The following TRAK1 variants were observed in gnomAD, a reference collection of about 807,000 sequenced individuals.
TRAK1 encodes the protein trafficking kinesin-binding protein 1.
Under a neutral mutation model 92.1 loss-of-function variants are expected in TRAK1, and 33 were observed. The observed-to-expected ratio is 0.36, with a 90% CI of 0.27 to 0.48. TRAK1 has a LOEUF of 0.48. Among genes scored for constraint, TRAK1 ranks in the 20% least tolerant of loss-of-function variants. The pLI, the probability that TRAK1 is intolerant of heterozygous loss-of-function variation, is 0.99. For synonymous variants in TRAK1, 521 were observed against 517.3 expected (o/e 1.01, Z -0.10); for missense variants, 1,123 against 1,257.9 (o/e 0.89, Z 1.62).
chr3:42,140,442 G>T (rs1368004795), intron 2 of TRAK1, among the ~76,000 whole-genome samples: 1 of 152,070 alleles, frequency 6.6e-6, no homozygotes, highest in Non-Finnish European at 1.5e-5. Flanking sequence ...ATTCTGGCTC[G>T]ATGGTGAAAC....
chr3:42,208,697 C>T (rs1223087119), intron 13 of TRAK1, among the ~76,000 whole-genome samples: 1 of 152,208 alleles, frequency 6.6e-6, no homozygotes, highest in Admixed American at 6.5e-5. Flanking sequence ...CTTCAGAAGT[C>T]TCTCCTTTGA....
Position 42,091,492 on chromosome 3 carries a change from G to A in TRAK1, c.23G>A (p.Gly8Glu). Reference protein sequence around the residue: MALVFQFGQPVRAQPLPG... With the variant: MALVFQFEQPVRAQPLPG... ...CACATGGCATTGGTTTTTCAATTCG[G>A]GCAGCCCGTCAGGGCTCAGCCTCTG... The change falls in exon 1 of 16, where the codon GGG (glycine) becomes GAG (glutamate). Residue 8 changes from glycine (G) to glutamate (E), a missense_variant. Physicochemically the swap from Gly to Glu is moderately conservative, Grantham distance 98. Around this residue, in one of 3 missense-constraint regions of TRAK1, gnomAD observed 686 missense variants for 747.6 expected, o/e 0.92. Coordinates refer to ENST00000327628, the MANE Select transcript of TRAK1 (RefSeq NM_001042646.3). 2 of 1,613,478 alleles carry A rather than the reference G, an allele frequency of 1.2e-6. No homozygotes were observed. Among genetic ancestry groups the A allele is most frequent in the Non-Finnish European group, 1.7e-6 (2 of 1,179,782 alleles).
chr3:42,082,917 T>C (rs1281275957), upstream of TRAK1, among the ~76,000 whole-genome samples: 6 of 152,226 alleles, frequency 3.9e-5, no homozygotes, highest in Non-Finnish European at 8.8e-5. Context: ...TACATTAATA[T>C]CTGTTGTGAT....
rs899824122 is a variant in TRAK1 at position 42,078,961 on chromosome 3, G to A, written c.-518-8143G>A. Reference sequence around the variant, plus strand: ...GAACAAAGGCTAGTGCCCAGCTGACGGCCAGCAGGAAACAGGGACTTCAGT... The same window carrying A: ...GAACAAAGGCTAGTGCCCAGCTGACAGCCAGCAGGAAACAGGGACTTCAGT... On this transcript the variant is annotated intron_variant, in intron 1 of 16. Transcript: ENST00000487159. Among the ~76,000 whole-genome samples, 10 of 152,164 alleles carry A rather than the reference G, an allele frequency of 6.6e-5. No individual in the cohort carries two copies. In the East Asian group the frequency reaches 1.5e-3, roughly 24 times the overall value.
chr3:42,018,843 G>A (rs925560710), intron 1 of TRAK1, among the ~76,000 whole-genome samples: 3 of 152,170 alleles, frequency 2.0e-5, no homozygotes, highest in Non-Finnish European at 4.4e-5. Flanking sequence ...CATATTAATG[G>A]CTGAGTGTGG....
chr3:42,126,403 T>G (rs1710566171), intron 2 of TRAK1, among the ~76,000 whole-genome samples: 1 of 152,186 alleles, frequency 6.6e-6, no homozygotes, highest in Non-Finnish European at 1.5e-5. Context: ...CCAGTCATTC[T>G]GATGGGCTGC....
At chr3:42,129,178 G>A (rs147855690) in intron 2 of TRAK1, among the ~76,000 whole-genome samples, 166 of 152,270 alleles carry the variant, frequency 1.1e-3, no homozygotes, top group African/African-American at 3.8e-3. Context: ...TTTGGGTTTC[G>A]TGTGTTTGTT....
intron 1 of TRAK1, among the ~76,000 whole-genome samples, chr3:42,056,733 A>G (rs983004851): frequency 6.6e-6 from 1 of 152,178 alleles, no homozygotes; most frequent in Admixed American, 6.5e-5. Context: ...TGCATTTTTC[A>G]TATCTTAACC....
At chr3:42,101,408 G>T (rs1340440196) in intron 1 of TRAK1, among the ~76,000 whole-genome samples, 1 of 152,222 alleles carries the variant, frequency 6.6e-6, no homozygotes, top group African/African-American at 2.4e-5. Flanking sequence ...AATATTCTTA[G>T]GTGACAGGAG....
At chr3:42,186,842 AC>A (rs1465669664) in intron 4 of TRAK1, among the ~76,000 whole-genome samples, 7 of 152,210 alleles carry the variant, frequency 4.6e-5, no homozygotes, top group African/African-American at 1.4e-4. Flanking sequence ...CGAAGCTAAA[AC>A]TTTTATGCAC....
chr3:42,086,284 G>A (rs1255340375), upstream of TRAK1, among the ~76,000 whole-genome samples: 2 of 150,594 alleles, frequency 1.3e-5, no homozygotes, highest in Non-Finnish European at 2.9e-5. Context: ...TGAGTCTGTA[G>A]TTTTCATCAG....
chr3:42,209,759 C>T lies in TRAK1; in HGVS notation c.1745-8C>T. The T allele has an allele frequency of 1.9e-6, 3 of 1,613,162 alleles. No individual in the cohort carries two copies. Among genetic ancestry groups the T allele is most frequent in the Non-Finnish European group, 2.5e-6 (3 of 1,179,364 alleles). ...GTCCCCCTTCTTCCCTTCCCTTTCTCCTGCAAGGTTCCGCCACACTTCACC... is the reference window on the plus strand; with the variant it reads ...GTCCCCCTTCTTCCCTTCCCTTTCTTCTGCAAGGTTCCGCCACACTTCACC... On this transcript the variant is annotated splice_region_variant and splice_polypyrimidine_tract_variant and intron_variant, in intron 13 of 15. Coordinates refer to ENST00000327628, the MANE Select transcript of TRAK1 (RefSeq NM_001042646.3).
intron 1 of TRAK1, among the ~76,000 whole-genome samples, chr3:42,078,386 C>A (rs772557128): frequency 6.6e-6 from 1 of 152,086 alleles, no homozygotes; most frequent in African/African-American, 2.4e-5. Context: ...GGGAGATTGT[C>A]CTGGATGATC....
At chr3:42,094,631 CAA>C (rs1353545155) in intron 1 of TRAK1, among the ~76,000 whole-genome samples, 1 of 152,074 alleles carries the variant, frequency 6.6e-6, no homozygotes, top group Non-Finnish European at 1.5e-5. Context: ...CTTAGCTTTC[CAA>C]AGTGTTGGAA....
At chr3:42,141,558 C>G in intron 2 of TRAK1, among the ~76,000 whole-genome samples, 1 of 152,182 alleles carries the variant, frequency 6.6e-6, no homozygotes. Flanking sequence ...TATTCTCTCA[C>G]AGTTCTGGAG....
chr3:42,109,206 C>G (rs1388887066), intron 1 of TRAK1, among the ~76,000 whole-genome samples: 1 of 152,112 alleles, frequency 6.6e-6, no homozygotes, highest in African/African-American at 2.4e-5. Flanking sequence ...GATGTAAATG[C>G]TTATAAGTGC....
rs146077187 is a variant in TRAK1 at position 42,024,147 on chromosome 3, G to A, written c.-519+10030G>A. Among the ~76,000 whole-genome samples, 618 of 152,228 alleles carry A rather than the reference G, an allele frequency of 4.1e-3. 7 individuals are homozygous for A. Among genetic ancestry groups the A allele is most frequent in the Middle Eastern group, 0.014 (4 of 294 alleles). Reference sequence around the variant, plus strand: ...GATAGGAGTTTGAGGCAAGGGTTTGGGGACCATTCCTGTGTAGTGATATCC... The same window carrying A: ...GATAGGAGTTTGAGGCAAGGGTTTGAGGACCATTCCTGTGTAGTGATATCC... On this transcript the variant is annotated intron_variant, in intron 1 of 16. Coordinates refer to the TRAK1 transcript ENST00000487159.
intron 15 of TRAK1, among the ~76,000 whole-genome samples, chr3:42,219,802 T>G (rs1324138573): frequency 2.8e-5 from 4 of 143,888 alleles, no homozygotes; most frequent in Admixed American, 6.9e-5. Flanking sequence ...TTTTTTTTTT[T>G]TTTTTTTTTT....
chr3:42,072,846 A>G (rs762763965), intron 1 of TRAK1, among the ~76,000 whole-genome samples: 1 of 152,166 alleles, frequency 6.6e-6, no homozygotes, highest in South Asian at 2.1e-4. Flanking sequence ...AAATTGGGTC[A>G]GAGTTATTTT....
Sources: allele counts gnomAD v4.1 joint callset (sites outside exome capture counted in the v4.1 genomes callset), GRCh38; gene constraint gnomAD v4.1.1; regional missense constraint gnomAD v4.1.1; transcripts MANE v1.5; gene names NCBI Gene and HGNC (gene_info 2026-07-23, HGNC 2026-07-21).